The following SLC38A1 variants were observed in gnomAD, a reference collection of about 807,000 sequenced individuals.
The protein encoded by SLC38A1 is solute carrier family 38 member 1, also known as sodium-coupled neutral amino acid symporter 1.
Under a neutral mutation model 60.3 loss-of-function variants are expected in SLC38A1, and 18 were observed. The observed-to-expected ratio is 0.30, with a 90% CI of 0.21 to 0.44. SLC38A1 has a LOEUF of 0.44. Among genes scored for constraint, SLC38A1 ranks in the 20% least tolerant of loss-of-function variants. SLC38A1 has a pLI of 1.00. For missense variants in SLC38A1, 448 were observed against 587.2 expected (o/e 0.76, Z 2.45); for synonymous variants, 196 against 212.1 (o/e 0.92, Z 0.66).
chr12:46,238,337 G>A (rs1158379992), intron 3 of SLC38A1, among the ~76,000 whole-genome samples: 3 of 152,032 alleles, frequency 2.0e-5, no homozygotes, highest in Non-Finnish European at 4.4e-5. Flanking sequence ...AACATTTAAA[G>A]GAGGAAAAAA....
intron 3 of SLC38A1, among the ~76,000 whole-genome samples, chr12:46,234,946 A>G (rs779970567): frequency 1.3e-5 from 2 of 152,176 alleles, no homozygotes; most frequent in African/African-American, 4.8e-5. Context: ...TTGACATGTT[A>G]TCTCAGGATG....
chr12:46,237,884 ACT>A (rs1941313203), intron 3 of SLC38A1, among the ~76,000 whole-genome samples: 1 of 151,802 alleles, frequency 6.6e-6, no homozygotes. Context: ...GGACTACTGA[ACT>A]GTCCAGGAGT....
chr12:46,196,055 A>T, intron 16 of SLC38A1: 1 of 1,251,216 alleles, frequency 8.0e-7, no homozygotes, highest in Non-Finnish European at 1.1e-6. Flanking sequence ...GGAGCTGCAG[A>T]CCAGAGCTGT....
At chr12:46,260,543 T>C (rs926015305) in intron 1 of SLC38A1, among the ~76,000 whole-genome samples, 2 of 152,198 alleles carry the variant, frequency 1.3e-5, no homozygotes, top group African/African-American at 4.8e-5. Context: ...CAGAAACATT[T>C]CCATAAATTC....
At chr12:46,237,260 G>A (rs977143469) in intron 3 of SLC38A1, among the ~76,000 whole-genome samples, 68 of 152,338 alleles carry the variant, frequency 4.5e-4, no homozygotes, top group African/African-American at 1.6e-3. Flanking sequence ...ATTTGAGAAA[G>A]CCGCAGGAAG....
chr12:46,195,437 C>T (rs1939326263), intron 16 of SLC38A1, among the ~76,000 whole-genome samples: 1 of 152,178 alleles, frequency 6.6e-6, no homozygotes, highest in African/African-American at 2.4e-5. Flanking sequence ...GTTCTTGGAG[C>T]TCGAATGCCA....
At position 46,198,828 on chromosome 12, in the gene SLC38A1, G is replaced by T; in HGVS notation, c.1004-85C>A. ...AGTTTTTCTGAAAAACAAAGAATCT[G>T]TAAACTAAAGGGCAAGAAAAGCAAT... On this transcript the variant is annotated intron_variant, in intron 13 of 16. Transcript: ENST00000398637. 1.1e-5 allele frequency: 9 copies of T among 790,422 alleles called. No individual in the cohort carries two copies. In the South Asian group the frequency reaches 1.7e-4, roughly 15 times the overall value. The allele number at this position is 790,422 out of a possible 1,614,324, so 49.0% of individuals were successfully genotyped here.
intron 3 of SLC38A1, among the ~76,000 whole-genome samples, chr12:46,237,520 G>A (rs991043751): frequency 2.0e-5 from 3 of 151,890 alleles, no homozygotes; most frequent in South Asian, 4.1e-4. Flanking sequence ...TCATCACACT[G>A]CATTTGCAAT....
rs184514965 is a variant in SLC38A1 at position 46,197,508 on chromosome 12, A to C, written c.1362+212T>G. 349 of 428,478 alleles carry C rather than the reference A, an allele frequency of 8.1e-4. 2 individuals are homozygous for C. Among genetic ancestry groups the C allele is most frequent in the African/African-American group, 6.1e-3 (288 of 47,502 alleles). The allele number at this position is 428,478 out of a possible 1,614,324, so 26.5% of individuals were successfully genotyped here. On this transcript the variant is annotated intron_variant, in intron 16 of 16. Coordinates refer to ENST00000398637, the MANE Select transcript of SLC38A1 (RefSeq NM_030674.4). Reference sequence around the variant, plus strand: ...GGCGACAGAGTGAGACTCCATCTCAAAAAAAAAGAGTAAAACCAGAAAAGA... The same window carrying C: ...GGCGACAGAGTGAGACTCCATCTCACAAAAAAAGAGTAAAACCAGAAAAGA...
chr12:46,192,456 T>G (rs1353466319), intron 16 of SLC38A1, among the ~76,000 whole-genome samples: 2 of 152,236 alleles, frequency 1.3e-5, no homozygotes, highest in Admixed American at 6.5e-5. Flanking sequence ...TAAAATGAGT[T>G]AGGGAGGATT....
At chr12:46,234,611 C>A (rs1941196410) in intron 3 of SLC38A1, among the ~76,000 whole-genome samples, 1 of 152,050 alleles carries the variant, frequency 6.6e-6, no homozygotes, top group Non-Finnish European at 1.5e-5. Context: ...CCGTACCCGG[C>A]TAATTTTTTG....
intron 1 of SLC38A1, among the ~76,000 whole-genome samples, chr12:46,244,379 G>T (rs1339539826): frequency 6.6e-6 from 1 of 152,172 alleles, no homozygotes; most frequent in Non-Finnish European, 1.5e-5. Flanking sequence ...CTCAATATTT[G>T]TTCCCACCTC....
chr12:46,201,255 T>C (rs1264103103), intron 12 of SLC38A1, 57 bp from the exon 13 acceptor site: 3 of 1,366,592 alleles, frequency 2.2e-6, no homozygotes, highest in Non-Finnish European at 3.1e-6. Flanking sequence ...TAAGCACCAG[T>C]GTTAACATTG....
intron 9 of SLC38A1, 49 bp downstream of exon 9, chr12:46,206,031 G>C: frequency 8.9e-7 from 1 of 1,121,912 alleles, no homozygotes; most frequent in Non-Finnish European, 1.3e-6. Context: ...TTCAGTTTCT[G>C]ATTCACTTGG....
In SLC38A1 at chr12:46,198,666, T is replaced by C; in HGVS notation, c.1081A>G (p.Ile361Val). The C allele has an allele frequency of 1.2e-6, 2 of 1,613,672 alleles. No individual in the cohort carries two copies. The highest frequency in any genetic ancestry group is 1.7e-6 in the Non-Finnish European group (2 of 1,179,812). The change falls in exon 14 of 17, where the codon ATT becomes GTT. Residue 361 changes from isoleucine (I) to valine (V), a missense_variant. Physicochemically the swap from Ile to Val is conservative, Grantham distance 29. Transcript: ENST00000398637. ...GGCACTGTGAGGATCACAGCAACAATGACAGCCAGCCGCACTGTCAGGATG... is the reference window on the plus strand; with the variant it reads ...GGCACTGTGAGGATCACAGCAACAACGACAGCCAGCCGCACTGTCAGGATG... ...ILILTVRLAV[I>V]VAVILTVPVL...
At chr12:46,247,140 C>A (rs1229122666) in intron 1 of SLC38A1, among the ~76,000 whole-genome samples, 1 of 152,174 alleles carries the variant, frequency 6.6e-6, no homozygotes. Context: ...CAAAGGATGG[C>A]TACTCCTCGC....
chr12:46,264,782 T>G (rs527718832), intron 1 of SLC38A1, among the ~76,000 whole-genome samples: 1 of 152,268 alleles, frequency 6.6e-6, no homozygotes, highest in African/African-American at 2.4e-5. Flanking sequence ...AACCTCTGGC[T>G]TCTGAGTCTC....
At chr12:46,252,528 A>G (rs1305780172) in intron 1 of SLC38A1, among the ~76,000 whole-genome samples, 2 of 151,824 alleles carry the variant, frequency 1.3e-5, no homozygotes, top group Non-Finnish European at 2.9e-5. Flanking sequence ...ATTCTTTATT[A>G]ATAAATAAAT....
intron 5 of SLC38A1, among the ~76,000 whole-genome samples, chr12:46,216,897 G>A (rs1464509254): frequency 6.6e-6 from 1 of 151,986 alleles, no homozygotes; most frequent in Non-Finnish European, 1.5e-5. Context: ...GAGCTCAGAT[G>A]GAAAGAGGCA....
Sources: gnomAD v4.1 joint callset for allele counts (sites outside exome capture counted in the v4.1 genomes callset) on GRCh38, gnomAD v4.1.1 for gene constraint, MANE v1.5 for transcripts, NCBI Gene and HGNC (gene_info 2026-07-23, HGNC 2026-07-21) for gene names.